FOXN3: variants seen among roughly 807,000 people sequenced by gnomAD.
The protein encoded by FOXN3 is forkhead box protein N3.
Under a neutral mutation model 38.4 loss-of-function variants are expected in FOXN3, and 7 were observed. The observed-to-expected ratio is 0.18, with a 90% CI of 0.10 to 0.34. FOXN3 has a LOEUF of 0.34. Among genes scored for constraint, FOXN3 ranks in the 10% least tolerant of loss-of-function variants. The pLI is 1.00. For synonymous variants in FOXN3, 230 were observed against 242.2 expected (o/e 0.95, Z 0.47); for missense variants, 456 against 613.4 (o/e 0.74, Z 2.71).
At chr14:89,418,666 G>A (rs1355528583), upstream of FOXN3, among the ~76,000 whole-genome samples, 3 of 152,132 alleles carry the variant, frequency 2.0e-5, no homozygotes, top group Non-Finnish European at 4.4e-5. Flanking sequence ...GCACAAGGTG[G>A]CAGAGACAAG....
chr14:89,231,707 C>T (rs1224860911), intron 4 of FOXN3, among the ~76,000 whole-genome samples: 1 of 152,154 alleles, frequency 6.6e-6, no homozygotes, highest in African/African-American at 2.4e-5. Flanking sequence ...CGCAATGGTA[C>T]AGCCGCTCCA....
intron 1 of FOXN3, among the ~76,000 whole-genome samples, chr14:89,535,787 T>C (rs1267808975): frequency 1.5e-4 from 23 of 152,226 alleles, no homozygotes; most frequent in Non-Finnish European, 2.1e-4. Flanking sequence ...CTCTACAATT[T>C]CACTTTTTAC....
At chr14:89,343,737 A>AC (rs1231332377) in intron 3 of FOXN3, among the ~76,000 whole-genome samples, 1 of 151,594 alleles carries the variant, frequency 6.6e-6, no homozygotes, top group Non-Finnish European at 1.5e-5. Flanking sequence ...AAAAAAAAAA[A>AC]AGATGAGAGT....
chr14:89,262,229 G>A lies in FOXN3; in HGVS notation c.745+18721C>T, dbSNP rs148395217. Among the ~76,000 whole-genome samples, 8 of 152,350 alleles carry A rather than the reference G, an allele frequency of 5.3e-5. No homozygotes were observed. The East Asian group carries it at 1.5e-3, about 29-fold the overall frequency. On this transcript the variant is annotated intron_variant, in intron 4 of 5. Transcript: ENST00000557258. Reference sequence around the variant, plus strand: ...ACCACCAGTTTGCCTGTGACTCAGGGCAAGCCCTGACTCTGGGCCCAGTTT... The same window carrying A: ...ACCACCAGTTTGCCTGTGACTCAGGACAAGCCCTGACTCTGGGCCCAGTTT...
At position 89,383,954 on chromosome 14, in the gene FOXN3, T is replaced by TA. The variant is rs901049001; in HGVS notation, c.543+27979dup. On this transcript the variant is annotated intron_variant, in intron 2 of 5. Transcript: ENST00000557258. ...ACAGGTGCCCACCACCATGCCCAGC[T>TA]AAAAAAAAAATGCTATTTTAAAATA... Among the ~76,000 whole-genome samples, 254 of 147,954 alleles carry TA rather than the reference T, an allele frequency of 1.7e-3. 1 individual carries two copies. Among genetic ancestry groups the TA allele is most frequent in the Middle Eastern group, 3.5e-3 (1 of 286 alleles).
rs374133616 is a variant in FOXN3 at position 89,538,746 on chromosome 14, G to A, written c.-15+80282C>T. ...TTGGTCAGCCTGGTTTCGAACTCCC[G>A]ACCTCAGGTGATCCGCCCGCCTCAG... On this transcript the variant is annotated intron_variant, in intron 1 of 6. Coordinates refer to the FOXN3 transcript ENST00000345097. 1.1e-3 allele frequency among the ~76,000 whole-genome samples: 166 copies of A among 151,722 alleles called. 1 individual carries two copies. The highest frequency in any genetic ancestry group is 3.5e-3 in the African/African-American group (147 of 41,448).
chr14:89,477,785 C>T lies in FOXN3; in HGVS notation c.-14-65295G>A, dbSNP rs188480371. ...CAAAGACCATGTATATTAAAGTGGC[C>T]GGCACGATGCCTATTTGCCATGTGT... On this transcript the variant is annotated intron_variant, in intron 1 of 6. Transcript: ENST00000345097. 1.4e-4 allele frequency among the ~76,000 whole-genome samples: 21 copies of T among 152,086 alleles called. 1 individual carries two copies. In the South Asian group the frequency reaches 2.9e-3, roughly 21 times the overall value.
chr14:89,315,267 C>G (rs150155833), intron 3 of FOXN3, among the ~76,000 whole-genome samples: 1 of 152,110 alleles, frequency 6.6e-6, no homozygotes, highest in Non-Finnish European at 1.5e-5. Context: ...GAATTATTGT[C>G]TCTTGGTGCA....
At chr14:89,351,437 T>G (rs1888967577) in intron 2 of FOXN3, 1 of 152,196 alleles carries the variant, frequency 6.6e-6, no homozygotes, top group Non-Finnish European at 1.5e-5. Context: ...GATTCCTCAG[T>G]TCCCAGCAAT....
chr14:89,226,859 A>C (rs1047970239), intron 4 of FOXN3, among the ~76,000 whole-genome samples: 6 of 152,208 alleles, frequency 3.9e-5, no homozygotes, highest in African/African-American at 1.4e-4. Context: ...GCCACAAGCC[A>C]AGGAACTACC....
At chr14:89,271,664 CTCTA>C (rs1031603115) in intron 4 of FOXN3, among the ~76,000 whole-genome samples, 3 of 152,080 alleles carry the variant, frequency 2.0e-5, no homozygotes, top group Non-Finnish European at 2.9e-5. Flanking sequence ...TTCCTTTTTT[CTCTA>C]TCTAGTTTTT....
chr14:89,597,156 G>C (rs1158816530), intron 1 of FOXN3, among the ~76,000 whole-genome samples: 2 of 152,036 alleles, frequency 1.3e-5, no homozygotes, highest in South Asian at 4.1e-4. Context: ...AATTTTTGCT[G>C]TCATATTTTC....
intron 1 of FOXN3, among the ~76,000 whole-genome samples, chr14:89,456,136 G>A (rs8003733): frequency 0.079 from 11,704 of 148,240 alleles, 986 homozygotes; most frequent in African/African-American, 0.22. Flanking sequence ...GGAGGTAGCC[G>A]TGAGCCGAGA....
intron 1 of FOXN3, among the ~76,000 whole-genome samples, chr14:89,482,710 A>G (rs531755222): frequency 1.3e-5 from 2 of 151,820 alleles, no homozygotes; most frequent in South Asian, 2.1e-4. Flanking sequence ...GGAGTTCAAG[A>G]GCAGCCTGGC....
intron 1 of FOXN3, among the ~76,000 whole-genome samples, chr14:89,595,434 C>T (rs1248258364): frequency 6.6e-6 from 1 of 151,698 alleles, no homozygotes; most frequent in Non-Finnish European, 1.5e-5. Flanking sequence ...ATATAGGGGT[C>T]TTGTTAGATT....
At chr14:89,260,294 C>T (rs1885755998) in intron 4 of FOXN3, among the ~76,000 whole-genome samples, 2 of 152,230 alleles carry the variant, frequency 1.3e-5, no homozygotes, top group South Asian at 2.1e-4. Flanking sequence ...AATTGCTTTC[C>T]CTTTTCTGTA....
At chr14:89,329,642 G>A (rs983956976) in intron 3 of FOXN3, among the ~76,000 whole-genome samples, 3 of 152,046 alleles carry the variant, frequency 2.0e-5, no homozygotes, top group Non-Finnish European at 2.9e-5. Flanking sequence ...CGGATCACAA[G>A]GTCAGGAGTT....
At chr14:89,193,835 A>AT (rs757397394) in intron 4 of FOXN3, among the ~76,000 whole-genome samples, 76 of 151,850 alleles carry the variant, frequency 5.0e-4, no homozygotes, top group African/African-American at 1.5e-3. Context: ...GTTGCTCCAT[A>AT]TTTTTTTTGC....
At chr14:89,377,182 C>G (rs1358128427) in intron 2 of FOXN3, among the ~76,000 whole-genome samples, 2 of 151,420 alleles carry the variant, frequency 1.3e-5, no homozygotes, top group African/African-American at 2.4e-5. Flanking sequence ...CCTTGACTGT[C>G]TCAGAAAAAA....
Sources: allele counts gnomAD v4.1 joint callset (sites outside exome capture counted in the v4.1 genomes callset), GRCh38; gene constraint gnomAD v4.1.1; transcripts MANE v1.5; gene names NCBI Gene and HGNC (gene_info 2026-07-23, HGNC 2026-07-21).